NCOA3: variants seen among roughly 807,000 people sequenced by gnomAD.
The protein encoded by NCOA3 is CBP-interacting protein.
NCOA3 carries 51 observed loss-of-function variants against 158.8 expected under a neutral mutation model. The observed-to-expected ratio is 0.32, with a 90% confidence interval of 0.26 to 0.41. NCOA3 has a LOEUF of 0.41. Among genes scored for constraint, NCOA3 ranks in the 10% least tolerant of loss-of-function variants. The pLI is 1.00. For missense variants in NCOA3, 1,510 were observed against 1,746.6 expected (o/e 0.86, Z 2.41); for synonymous variants, 537 against 592.4 (o/e 0.91, Z 1.36).
At chr20:47,562,567 A>G (rs1163569615) in intron 1 of NCOA3, among the ~76,000 whole-genome samples, 1 of 151,756 alleles carries the variant, frequency 6.6e-6, no homozygotes, top group African/African-American at 2.4e-5. Context: ...GTGTTGGCAA[A>G]TGAGGGTCAG....
At chr20:47,623,527 C>T (rs2086273711) in intron 3 of NCOA3, among the ~76,000 whole-genome samples, 1 of 152,194 alleles carries the variant, frequency 6.6e-6, no homozygotes, top group African/African-American at 2.4e-5. Context: ...GTGGCTCATG[C>T]CTGTAATCCC....
At chr20:47,553,037 G>A (rs2084947486) in intron 1 of NCOA3, among the ~76,000 whole-genome samples, 1 of 151,794 alleles carries the variant, frequency 6.6e-6, no homozygotes, top group African/African-American at 2.4e-5. Context: ...GGGCTCAAGG[G>A]ATCCTCCCAC....
chr20:47,601,355 C>T (rs2085859192), intron 2 of NCOA3, among the ~76,000 whole-genome samples: 1 of 152,204 alleles, frequency 6.6e-6, no homozygotes, highest in Non-Finnish European at 1.5e-5. Flanking sequence ...CGGACCAAGC[C>T]TCAACATGAG....
At chr20:47,588,268 G>A (rs1247561593) in intron 2 of NCOA3, among the ~76,000 whole-genome samples, 2 of 150,210 alleles carry the variant, frequency 1.3e-5, no homozygotes, top group African/African-American at 4.9e-5. Flanking sequence ...CTGAGTAGCT[G>A]CAACTACAGG....
At chr20:47,519,307 C>T (rs1172041851) in intron 1 of NCOA3, among the ~76,000 whole-genome samples, 1 of 151,876 alleles carries the variant, frequency 6.6e-6, no homozygotes, top group Non-Finnish European at 1.5e-5. Flanking sequence ...TGGCGTGTGC[C>T]TGTAGTCCCA....
rs1428592787 is a variant in NCOA3 at position 47,639,991 on chromosome 20, T to G, written c.3020T>G (p.Leu1007Arg). 3.7e-6 allele frequency: 6 copies of G among 1,614,098 alleles called. No individual in the cohort carries two copies. In the African/African-American group the frequency reaches 8.0e-5, roughly 22 times the overall value. ...PYGQAAASNQLGSWPDGMLSM... is the reference protein window; with the variant it reads ...PYGQAAASNQRGSWPDGMLSM... ...GGCCAAGCAGCAGCATCTAACCAAC[T>G]GGGTTCCTGGCCCGATGGCATGTTG... Residue 1007 changes from leucine (L) to arginine (R), a missense_variant, in exon 16 of 23, where the codon CTG becomes CGG. Physicochemically the swap from Leu to Arg is moderately radical, Grantham distance 102 (BLOSUM62 -2). Around this residue, in one of 4 missense-constraint regions of NCOA3, gnomAD observed 1,017 missense variants for 1,098.3 expected, o/e 0.93. Coordinates refer to ENST00000371998, the MANE Select transcript of NCOA3 (RefSeq NM_181659.3).
chr20:47,534,237 C>G (rs888637427), intron 1 of NCOA3, among the ~76,000 whole-genome samples: 2 of 150,438 alleles, frequency 1.3e-5, no homozygotes, highest in Admixed American at 1.3e-4. Context: ...TTATTGTGTC[C>G]TTCCTGTCCA....
chr20:47,643,508 C>T (rs977657910), intron 17 of NCOA3, among the ~76,000 whole-genome samples: 4 of 152,192 alleles, frequency 2.6e-5, no homozygotes, highest in African/African-American at 9.7e-5. Flanking sequence ...TGTTCAGGCA[C>T]ACTAAATAAC....
At chr20:47,512,098 T>C (rs932846713) in intron 1 of NCOA3, among the ~76,000 whole-genome samples, 5 of 151,940 alleles carry the variant, frequency 3.3e-5, no homozygotes, top group African/African-American at 9.7e-5. Context: ...GAGGACTGCT[T>C]AAAGCCGGAA....
chr20:47,650,935 C>T (rs569513306), intron 19 of NCOA3, 47 bp from the exon 20 acceptor site: 4 of 1,559,316 alleles, frequency 2.6e-6, no homozygotes, highest in African/African-American at 2.7e-5. Context: ...ATGCAACTGG[C>T]AGGTTCTTGC....
chr20:47,632,627 C>T (rs1424378956), intron 8 of NCOA3, among the ~76,000 whole-genome samples: 14 of 151,158 alleles, frequency 9.3e-5, no homozygotes, highest in Admixed American at 9.2e-4. Context: ...ACCTTGTGAT[C>T]TGCTTGCCTT....
intron 1 of NCOA3, among the ~76,000 whole-genome samples, chr20:47,525,907 C>A (rs2146094481): frequency 2.1e-5 from 3 of 141,642 alleles, no homozygotes; most frequent in East Asian, 2.2e-4. Flanking sequence ...CCCCACCTCC[C>A]TCCCGGATGG....
intron 1 of NCOA3, among the ~76,000 whole-genome samples, chr20:47,520,087 AAAAG>A (rs1323545989): frequency 6.6e-6 from 1 of 151,076 alleles, no homozygotes; most frequent in Non-Finnish European, 1.5e-5. Flanking sequence ...AAAAAAAAAA[AAAAG>A]GAAGGCTACA....
In NCOA3 at chr20:47,636,530, C is replaced by A; in HGVS notation, c.2144C>A (p.Ser715Tyr). Residue 715 changes from serine (S) to tyrosine (Y), a missense_variant, in exon 12 of 23, where the codon TCT becomes TAT. By Grantham distance (144) the Ser-to-Tyr change is moderately radical (BLOSUM62 -2). Transcript: ENST00000371998. ...ATGKDTSSIT[S>Y]CGDGNVVKQE... ...GGGAAAGACACCAGCAGTATAACTT[C>A]TTGTGGGGACGGAAATGTTGTCAAG... The A allele has an allele frequency of 6.2e-7, 1 of 1,614,224 alleles. No individual in the cohort carries two copies. Among genetic ancestry groups the A allele is most frequent in the Non-Finnish European group, 8.5e-7 (1 of 1,180,038 alleles).
intron 1 of NCOA3, among the ~76,000 whole-genome samples, chr20:47,517,819 T>C (rs2084260545): frequency 1.3e-5 from 2 of 152,166 alleles, no homozygotes; most frequent in South Asian, 4.1e-4. Context: ...GTCACATTAC[T>C]TAGCACAATT....
At chr20:47,611,823 C>G (rs1363611537) in intron 2 of NCOA3, among the ~76,000 whole-genome samples, 1 of 151,766 alleles carries the variant, frequency 6.6e-6, no homozygotes, top group East Asian at 1.9e-4. Context: ...AAAAAAGCCC[C>G]ACTCCTTCTG....
intron 2 of NCOA3, among the ~76,000 whole-genome samples, chr20:47,588,104 A>G (rs932208136): frequency 2.1e-5 from 3 of 144,080 alleles, no homozygotes; most frequent in Non-Finnish European, 4.6e-5. Flanking sequence ...TGCTTGGATT[A>G]GCCCTCCATA....
At chr20:47,573,972 A>C (rs1396121386) in intron 1 of NCOA3, among the ~76,000 whole-genome samples, 1 of 151,520 alleles carries the variant, frequency 6.6e-6, no homozygotes, top group Non-Finnish European at 1.5e-5. Flanking sequence ...CAAAAATTCA[A>C]GGGGTCAGTT....
At chr20:47,605,294 T>G (rs887256171) in intron 2 of NCOA3, among the ~76,000 whole-genome samples, 6 of 152,224 alleles carry the variant, frequency 3.9e-5, no homozygotes, top group African/African-American at 7.2e-5. Flanking sequence ...TACCTCTGTT[T>G]TTGTTGCCTT....
Sources: allele counts gnomAD v4.1 joint callset (sites outside exome capture counted in the v4.1 genomes callset), GRCh38; gene constraint gnomAD v4.1.1; regional missense constraint gnomAD v4.1.1; transcripts MANE v1.5; gene names NCBI Gene and HGNC (gene_info 2026-07-23, HGNC 2026-07-21).